The following GSG1L variants were observed in gnomAD, a reference collection of about 807,000 sequenced individuals.
GSG1L encodes germ cell-specific gene 1-like protein.
GSG1L carries 24 observed loss-of-function variants against 42.1 expected under a neutral mutation model. That is an observed-to-expected ratio of 0.57 (90% confidence interval 0.41 to 0.80). The LOEUF is 0.80. Among genes scored for constraint, GSG1L ranks in the 30% least tolerant of loss-of-function variants. GSG1L has a pLI of 0.00. For missense variants in GSG1L, 445 were observed against 472.2 expected, an observed-to-expected ratio of 0.94 and a Z score of 0.53; for synonymous variants, 215 against 203.5, an observed-to-expected ratio of 1.06 and a Z score of -0.48.
In GSG1L at chr16:27,828,860, C is replaced by T. The variant is rs200764343; in HGVS notation, c.759G>A (p.Lys253=). ...CTTCCCGGTAGCCCTGCTCAAAGAC[C>T]TTGCGCTTGTGCCGGAACTCAATGA... ...KTVIEFRHKR[K]VFEQGYREEP... Residue 253 remains lysine, a synonymous_variant, in exon 5 of 7, where the codon AAG becomes AAA. Transcript: ENST00000447459. 3.1e-6 allele frequency: 5 copies of T among 1,614,206 alleles called. No homozygotes were observed. In the African/African-American group the frequency reaches 6.7e-5, roughly 22 times the overall value.
chr16:27,876,778 C>G (rs948075158), intron 3 of GSG1L, among the ~76,000 whole-genome samples: 1 of 152,232 alleles, frequency 6.6e-6, no homozygotes, highest in Non-Finnish European at 1.5e-5. Context: ...GTGTGCTCTT[C>G]AACTCGGTCC....
At chr16:28,009,142 C>A (rs899087720) in intron 1 of GSG1L, among the ~76,000 whole-genome samples, 1 of 152,066 alleles carries the variant, frequency 6.6e-6, no homozygotes, top group Non-Finnish European at 1.5e-5. Flanking sequence ...CAGTTCTGAG[C>A]GCAGGTGCCC....
At chr16:27,951,496 T>G (rs1203008604) in intron 2 of GSG1L, among the ~76,000 whole-genome samples, 1 of 152,118 alleles carries the variant, frequency 6.6e-6, no homozygotes, top group East Asian at 1.9e-4. Context: ...TGATGCAGTC[T>G]GGGGATGAAG....
intron 6 of GSG1L, among the ~76,000 whole-genome samples, chr16:27,794,506 T>C (rs1448625598): frequency 2.0e-5 from 3 of 151,998 alleles, no homozygotes; most frequent in African/African-American, 7.2e-5. Context: ...AATTTTTTTG[T>C]ACTTTTAGTA....
At chr16:27,886,584 A>G (rs772792538) in intron 2 of GSG1L, among the ~76,000 whole-genome samples, 3 of 152,276 alleles carry the variant, frequency 2.0e-5, no homozygotes, top group African/African-American at 4.8e-5. Flanking sequence ...CAATTTTTTT[A>G]GAAGAACATA....
At chr16:27,837,697 C>T (rs1344771960) in intron 4 of GSG1L, among the ~76,000 whole-genome samples, 2 of 152,246 alleles carry the variant, frequency 1.3e-5, no homozygotes, top group Admixed American at 6.5e-5. Context: ...AATCTAACCA[C>T]TCATTCCCTT....
chr16:27,983,777 GT>G lies in GSG1L; in HGVS notation c.350-20575del, dbSNP rs891190712. 2.4e-4 allele frequency among the ~76,000 whole-genome samples: 37 copies of G among 152,228 alleles called. 1 individual carries two copies. The highest frequency in any genetic ancestry group is 6.8e-3 in the Middle Eastern group (2 of 294). ...AAATGGGGGGCAGGGATACTGGGGAGTTTTTTTGGAGGCATTCTATGGCTGA... is the reference window on the plus strand; with the variant it reads ...AAATGGGGGGCAGGGATACTGGGGAGTTTTTTGGAGGCATTCTATGGCTGA... On this transcript the variant is annotated intron_variant, in intron 1 of 6. Coordinates refer to ENST00000447459, the MANE Select transcript of GSG1L (RefSeq NM_001109763.2).
intron 2 of GSG1L, among the ~76,000 whole-genome samples, chr16:27,905,224 ACT>A (rs1328786022): frequency 2.6e-5 from 4 of 151,298 alleles, no homozygotes; most frequent in African/African-American, 7.3e-5. Flanking sequence ...CCAACCCAGT[ACT>A]CTGTTTCTTA....
rs139699630 is a variant in GSG1L, at chr16:27,847,792, C to T, written c.551-2731G>A. Among the ~76,000 whole-genome samples, 669 of 152,320 alleles carry T rather than the reference C, an allele frequency of 4.4e-3. 3 individuals carry two copies. Among genetic ancestry groups the T allele is most frequent in the Non-Finnish European group, 6.5e-3 (442 of 68,042 alleles). ...CACCTCCCGCTTCACTCTCTTCCTC[C>T]TTCTCCAGCCATGTAAGACATGCCT... On this transcript the variant is annotated intron_variant, in intron 3 of 6. Transcript: ENST00000447459.
intron 5 of GSG1L, among the ~76,000 whole-genome samples, chr16:27,824,115 G>T (rs2083180588): frequency 6.6e-6 from 1 of 152,222 alleles, no homozygotes; most frequent in African/African-American, 2.4e-5. Context: ...CTGGGGTCTG[G>T]TGAGGGCATT....
intron 2 of GSG1L, among the ~76,000 whole-genome samples, chr16:27,893,501 T>C (rs780796895): frequency 6.6e-6 from 1 of 152,228 alleles, no homozygotes; most frequent in Admixed American, 6.5e-5. Flanking sequence ...AAGCCCGACA[T>C]TTGGAAAGAG....
intron 2 of GSG1L, among the ~76,000 whole-genome samples, chr16:27,901,502 C>G (rs1324668724): frequency 6.6e-6 from 1 of 152,296 alleles, no homozygotes; most frequent in South Asian, 2.1e-4. Flanking sequence ...GCTATTGTTT[C>G]TTGGCTAAGG....
chr16:27,807,832 C>T (rs59489871), intron 5 of GSG1L, among the ~76,000 whole-genome samples: 1 of 152,090 alleles, frequency 6.6e-6, no homozygotes, highest in Non-Finnish European at 1.5e-5. Context: ...GAAGGCAAAC[C>T]CATCATTCTG....
chr16:27,947,082 G>A (rs896291093), intron 2 of GSG1L, among the ~76,000 whole-genome samples: 2 of 152,170 alleles, frequency 1.3e-5, no homozygotes, highest in Non-Finnish European at 2.9e-5. Context: ...TCAAAGCCCT[G>A]CATCTAAATC....
chr16:28,025,516 G>A (rs767785694), intron 1 of GSG1L, among the ~76,000 whole-genome samples: 7 of 152,158 alleles, frequency 4.6e-5, no homozygotes, highest in African/African-American at 1.2e-4. Context: ...TCCCAAGCCC[G>A]GCTCAACCCT....
At chr16:27,941,183 A>G (rs2084789618) in intron 2 of GSG1L, among the ~76,000 whole-genome samples, 1 of 152,166 alleles carries the variant, frequency 6.6e-6, no homozygotes, top group East Asian at 1.9e-4. Context: ...CTTCTGCATC[A>G]AAGGATAATA....
chr16:27,899,777 C>T (rs2084235931), intron 2 of GSG1L, among the ~76,000 whole-genome samples: 1 of 152,104 alleles, frequency 6.6e-6, no homozygotes, highest in Non-Finnish European at 1.5e-5. Context: ...GGTTCACTCC[C>T]GATAGACTTC....
At chr16:28,023,954 A>G (rs931947127) in intron 1 of GSG1L, among the ~76,000 whole-genome samples, 43 of 152,092 alleles carry the variant, frequency 2.8e-4, no homozygotes, top group African/African-American at 9.7e-4. Flanking sequence ...CGCTTGAGCC[A>G]AGGAGTTGGA....
chr16:27,867,563 A>G (rs1000230137), intron 3 of GSG1L, among the ~76,000 whole-genome samples: 2 of 152,082 alleles, frequency 1.3e-5, no homozygotes, highest in African/African-American at 4.8e-5. Context: ...GACTCTCCCC[A>G]CTGAGCCCTT....
Sources: allele counts gnomAD v4.1 joint callset (sites outside exome capture counted in the v4.1 genomes callset), GRCh38; gene constraint gnomAD v4.1.1; transcripts MANE v1.5; gene names NCBI Gene and HGNC (gene_info 2026-07-23, HGNC 2026-07-21).